The following GRIK2 variants were observed in gnomAD, a reference collection of about 807,000 sequenced individuals.
The protein encoded by GRIK2 is glutamate receptor ionotropic, kainate 2.
GRIK2 carries 32 observed loss-of-function variants against 100.3 expected under a neutral mutation model. That is an observed-to-expected ratio of 0.32 (90% CI 0.24 to 0.43). The LOEUF is 0.43. Ranked by LOEUF, GRIK2 falls within the 20% of genes least tolerant of loss-of-function variation. The probability of loss-of-function intolerance (pLI) is 1.00; values close to 1 mark genes in which losing one functional copy is unlikely to be tolerated. For missense variants in GRIK2, 843 were observed against 1,114.9 expected (o/e 0.76, Z 3.47); for synonymous variants, 417 against 389.4 (o/e 1.07, Z -0.83).
intron 11 of GRIK2, among the ~76,000 whole-genome samples, chr6:101,881,616 T>A (rs537279939): frequency 1.3e-5 from 2 of 151,828 alleles, no homozygotes; most frequent in African/African-American, 4.8e-5. Context: ...GGAACAAAAG[T>A]AACTTGTCTA....
At chr6:101,557,765 A>G (rs1463228952) in intron 2 of GRIK2, among the ~76,000 whole-genome samples, 1 of 152,136 alleles carries the variant, frequency 6.6e-6, no homozygotes, top group African/African-American at 2.4e-5. Flanking sequence ...TCTGAGAAGG[A>G]ATTGTTCCTG....
At chr6:101,739,529 G>C (rs568189340) in intron 7 of GRIK2, among the ~76,000 whole-genome samples, 2 of 152,070 alleles carry the variant, frequency 1.3e-5, no homozygotes, top group Admixed American at 6.6e-5. Flanking sequence ...CTTCACCTCT[G>C]GGCAGCTTCT....
intron 7 of GRIK2, among the ~76,000 whole-genome samples, chr6:101,760,015 G>A (rs1328854568): frequency 1.5e-5 from 2 of 134,092 alleles, no homozygotes; most frequent in Admixed American, 7.5e-5. Context: ...GACTACAGGC[G>A]CCCGCCACCG....
intron 15 of GRIK2, among the ~76,000 whole-genome samples, chr6:102,047,152 A>G (rs1164728937): frequency 2.6e-5 from 4 of 152,152 alleles, no homozygotes; most frequent in Non-Finnish European, 5.9e-5. Flanking sequence ...TCAAGGAGCT[A>G]GAAAAGGAAG....
chr6:101,914,240 T>G (rs1327139681), intron 12 of GRIK2, among the ~76,000 whole-genome samples: 1 of 151,462 alleles, frequency 6.6e-6, no homozygotes. Context: ...TAATCTGGAT[T>G]GTGGGACAAT....
chr6:101,809,109 C>T (rs75115519), intron 9 of GRIK2, among the ~76,000 whole-genome samples: 66 of 151,904 alleles, frequency 4.3e-4, no homozygotes, highest in Middle Eastern at 3.4e-3. Context: ...TGTGAAGCTT[C>T]ATTTTAACTT....
intron 7 of GRIK2, among the ~76,000 whole-genome samples, chr6:101,760,742 T>TTAATTATATATAATTATATA (rs1370354935): frequency 7.5e-6 from 1 of 132,756 alleles, no homozygotes; most frequent in Non-Finnish European, 1.6e-5. Flanking sequence ...AATTATATAT[T>TTAATTATATATAATTATATA]TAATTATATA....
At position 101,720,716 on chromosome 6, in the gene GRIK2, T is replaced by TA. The variant is rs1774419335; in HGVS notation, c.951+34367dup. Among the ~76,000 whole-genome samples, 3 of 151,112 alleles carry TA rather than the reference T, an allele frequency of 2.0e-5. No individual in the cohort carries two copies. In the Admixed American group the frequency reaches 2.0e-4, roughly 10 times the overall value. ...AAATAGTCTTACAGTAAAACAAATT[T>TA]AAAAGGTCCTAGAAGGAAAAAAAAA... On this transcript the variant is annotated intron_variant, in intron 7 of 16. Transcript: ENST00000369134.
intron 5 of GRIK2, among the ~76,000 whole-genome samples, chr6:101,678,128 A>C (rs186401627): frequency 6.6e-6 from 1 of 152,180 alleles, no homozygotes; most frequent in Admixed American, 6.5e-5. Flanking sequence ...GCACTAAGCT[A>C]TTTCAGTGAC....
chr6:101,417,699 A>G (rs1213086911), intron 2 of GRIK2, among the ~76,000 whole-genome samples: 1 of 152,192 alleles, frequency 6.6e-6, no homozygotes, highest in East Asian at 1.9e-4. Flanking sequence ...AAGTTATGAG[A>G]ACCCAACCAG....
intron 14 of GRIK2, among the ~76,000 whole-genome samples, chr6:101,943,712 C>T (rs915894694): frequency 1.3e-5 from 2 of 152,180 alleles, no homozygotes; most frequent in East Asian, 3.9e-4. Flanking sequence ...CAGTTTTTCC[C>T]TGTTGCAATG....
At chr6:101,607,460 A>G (rs1396374119) in intron 2 of GRIK2, among the ~76,000 whole-genome samples, 3 of 152,024 alleles carry the variant, frequency 2.0e-5, no homozygotes, top group Non-Finnish European at 4.4e-5. Context: ...CTTTATGCAA[A>G]TGCAAATGTT....
intron 4 of GRIK2, among the ~76,000 whole-genome samples, chr6:101,655,985 T>C (rs1782042770): frequency 6.6e-6 from 1 of 151,912 alleles, no homozygotes; most frequent in African/African-American, 2.4e-5. Context: ...GGGAAAGTGG[T>C]AAAGATTTGA....
intron 9 of GRIK2, among the ~76,000 whole-genome samples, chr6:101,803,856 T>C (rs923987109): frequency 5.3e-5 from 8 of 151,894 alleles, no homozygotes; most frequent in Admixed American, 2.6e-4. Context: ...CTGAATATAA[T>C]GGTTATCAAG....
At chr6:101,744,783 G>C (rs527626134) in intron 7 of GRIK2, 1 of 151,416 alleles carries the variant, frequency 6.6e-6, no homozygotes, top group Non-Finnish European at 1.5e-5. Flanking sequence ...GTTTCTCTAT[G>C]TTGGTCAGGA....
chr6:101,877,565 A>T (rs1481291268), intron 11 of GRIK2, among the ~76,000 whole-genome samples: 1 of 151,980 alleles, frequency 6.6e-6, no homozygotes, highest in African/African-American at 2.4e-5. Flanking sequence ...ATATCAACAG[A>T]TGACTATACA....
At chr6:102,035,648 T>C (rs914316771) in intron 15 of GRIK2, 82 bp downstream of exon 15, 7 of 742,956 alleles carry the variant, frequency 9.4e-6, no homozygotes, top group Middle Eastern at 2.5e-4. Context: ...TGTCCACGTA[T>C]GCCATTAGGA....
intron 12 of GRIK2, among the ~76,000 whole-genome samples, chr6:101,923,228 T>A (rs960780692): frequency 6.6e-6 from 1 of 152,164 alleles, no homozygotes; most frequent in Non-Finnish European, 1.5e-5. Context: ...TTCAAATAAC[T>A]TTGATTGGAT....
At chr6:101,492,471 A>G (rs1048634650) in intron 2 of GRIK2, among the ~76,000 whole-genome samples, 1 of 151,816 alleles carries the variant, frequency 6.6e-6, no homozygotes. Flanking sequence ...CTATGGACTC[A>G]TTTTTTTAAA....
Sources: gnomAD v4.1 joint callset for allele counts (sites outside exome capture counted in the v4.1 genomes callset) on GRCh38, gnomAD v4.1.1 for gene constraint, MANE v1.5 for transcripts, NCBI Gene and HGNC (gene_info 2026-07-23, HGNC 2026-07-21) for gene names.